The following WDFY4 variants were observed in gnomAD, a reference collection of about 807,000 sequenced individuals.
WDFY4 encodes the protein WDFY family member 4.
Under a neutral mutation model 351.9 loss-of-function variants are expected in WDFY4, and 169 were observed. The ratio of observed to expected loss-of-function variants is 0.48; its 90% CI spans 0.42 to 0.55. WDFY4 has a LOEUF of 0.55. Ranked by LOEUF, WDFY4 falls within the 20% of genes least tolerant of loss-of-function variation. WDFY4 has a pLI of 0.00. For missense variants in WDFY4, 3,803 were observed against 3,935.6 expected, an observed-to-expected ratio of 0.97 and a Z score of 0.90; for synonymous variants, 1,622 against 1,574.6, an observed-to-expected ratio of 1.03 and a Z score of -0.71.
Position 48,976,859 on chromosome 10 carries a change from G to A in WDFY4, c.9171G>A (p.Leu3057=), listed in dbSNP as rs1324792909. 7 of 1,536,630 alleles carry A rather than the reference G, an allele frequency of 4.6e-6. No individual in the cohort carries two copies. Among genetic ancestry groups the A allele is most frequent in the Non-Finnish European group, 6.1e-6 (7 of 1,138,828 alleles). The change falls in exon 59 of 62, where the codon CTG becomes CTA. Residue 3057 remains leucine (L), a synonymous_variant. Transcript: ENST00000325239. ...LSLWNVNGQP[L]ASITTAWGPE... is the part of the protein sequence containing the mutation. ...TGTGGAATGTCAATGGACAGCCCCT[G>A]GCCAGCATCACCACAGCCTGGGGCC... is the stretch of plus-strand genomic sequence containing the variant.
rs1219934486 is a variant in WDFY4 at position 48,811,545 on chromosome 10, T to A, written c.5051T>A (p.Leu1684Gln). The change falls in exon 30 of 62, where the codon CTG (leucine) becomes CAG (glutamine). Residue 1684 changes from leucine to glutamine, a missense_variant. This residue lies in a region of WDFY4 where 3,054 missense variants were observed against 3,148.6 expected (regional missense o/e 0.97). Coordinates refer to ENST00000325239, the MANE Select transcript of WDFY4 (RefSeq NM_001394531.1). ...TEGVDIVMDN[L>Q]KSQSPLPEQS... ...CCCTTTGCCTGATCAATAGACAACC[T>A]GAAGAGCCAGTCACCACTGCCTGAG... 6.4e-7 allele frequency: 1 copy of A among 1,552,214 alleles called. No homozygotes were observed. Among genetic ancestry groups the A allele is most frequent in the South Asian group, 1.2e-5 (1 of 84,066 alleles).
At chr10:48,751,970 C>T (rs1451077865) in intron 12 of WDFY4, among the ~76,000 whole-genome samples, 3 of 152,230 alleles carry the variant, frequency 2.0e-5, no homozygotes, top group African/African-American at 4.8e-5. Context: ...GCACGCCTCA[C>T]ACCACCACTG....
intron 52 of WDFY4, among the ~76,000 whole-genome samples, chr10:48,958,082 C>T (rs922318308): frequency 6.6e-5 from 10 of 152,202 alleles, no homozygotes; most frequent in African/African-American, 2.4e-4. Context: ...TGCCTCCGGA[C>T]AGCACATAAG....
intron 1 of WDFY4, among the ~76,000 whole-genome samples, chr10:48,689,820 C>T (rs1346881938): frequency 6.6e-6 from 1 of 152,168 alleles, no homozygotes; most frequent in Non-Finnish European, 1.5e-5. Flanking sequence ...CCTAAATAAA[C>T]CAGGGACTTG....
At chr10:48,870,500 A>G (rs1349732376) in intron 40 of WDFY4, among the ~76,000 whole-genome samples, 2 of 151,852 alleles carry the variant, frequency 1.3e-5, no homozygotes, top group African/African-American at 4.8e-5. Context: ...AGCTATGATC[A>G]TGCCACTGCT....
intron 33 of WDFY4, 67 bp from the exon 34 acceptor site, chr10:48,820,995 G>T: frequency 9.0e-7 from 1 of 1,111,724 alleles, no homozygotes; most frequent in Non-Finnish European, 1.3e-6. Flanking sequence ...AGGCTAGGGA[G>T]GCGGTGGGCA....
chr10:48,767,183 A>G (rs567171882), intron 13 of WDFY4, among the ~76,000 whole-genome samples: 1 of 152,308 alleles, frequency 6.6e-6, no homozygotes, highest in South Asian at 2.1e-4. Context: ...GATGAGATTG[A>G]TGGAACCCTT....
intron 9 of WDFY4, 105 bp from the exon 10 acceptor site, chr10:48,733,826 C>T: frequency 2.0e-6 from 2 of 982,154 alleles, no homozygotes; most frequent in Non-Finnish European, 3.1e-6. Context: ...ATGATGAAAG[C>T]ATTATATTCA....
At chr10:48,693,209 G>A (rs908758211) in intron 1 of WDFY4, among the ~76,000 whole-genome samples, 2 of 152,204 alleles carry the variant, frequency 1.3e-5, no homozygotes, top group East Asian at 1.9e-4. Context: ...TGCGGAGGAC[G>A]TTTGCTCAGG....
intron 2 of WDFY4, among the ~76,000 whole-genome samples, chr10:48,716,478 C>T (rs2063914455): frequency 6.6e-6 from 1 of 152,096 alleles, no homozygotes; most frequent in South Asian, 2.1e-4. Flanking sequence ...CATGTAAGTC[C>T]CAGTTTGGGA....
Position 48,810,562 on chromosome 10 carries a change from C to T in WDFY4, c.4871C>T (p.Pro1624Leu). The change falls in exon 29 of 62, where the codon CCT (proline) becomes CTT (leucine). Residue 1624 changes from proline (P) to leucine (L), a missense_variant. This residue lies in a region of WDFY4 where 3,054 missense variants were observed against 3,148.6 expected (regional missense o/e 0.97). Coordinates refer to ENST00000325239, the MANE Select transcript of WDFY4 (RefSeq NM_001394531.1). The stretch of plus-strand genomic sequence containing the variant: ...GAAGAGATGTTTCTGAAACTGGGGC[C>T]TGACTGGTTCCTGCTGCTCCTGCAG... The part of the protein sequence containing the change: ...SKEEMFLKLG[P>L]DWFLLLLQGH... The T allele has an allele frequency of 2.6e-6, 4 of 1,551,684 alleles. No individual in the cohort carries two copies. The highest frequency in any genetic ancestry group is 3.5e-6 in the Non-Finnish European group (4 of 1,146,986).
intron 39 of WDFY4, among the ~76,000 whole-genome samples, chr10:48,851,970 A>G (rs1437803932): frequency 6.6e-6 from 1 of 152,186 alleles, no homozygotes; most frequent in Admixed American, 6.5e-5. Flanking sequence ...CCTTTGTTCT[A>G]CTCCAAAGGT....
intron 1 of WDFY4, among the ~76,000 whole-genome samples, chr10:48,693,550 T>A (rs947272041): frequency 3.3e-5 from 5 of 152,250 alleles, no homozygotes; most frequent in African/African-American, 4.8e-5. Flanking sequence ...AGACTCATTC[T>A]GGTTAAACAA....
intron 25 of WDFY4, 22 bp from the exon 26 acceptor site, chr10:48,805,238 G>T (rs77075591): frequency 6.5e-7 from 1 of 1,534,638 alleles, no homozygotes; most frequent in South Asian, 1.2e-5. Flanking sequence ...AGCTTTTACT[G>T]TCTCTCTCCT....
intron 13 of WDFY4, among the ~76,000 whole-genome samples, chr10:48,762,291 C>T (rs879710210): frequency 2.6e-5 from 4 of 152,124 alleles, no homozygotes; most frequent in South Asian, 2.1e-4. Context: ...TAGTGTTTGG[C>T]GCAGGAGTTA....
At chr10:48,829,868 T>A (rs539831634) in intron 37 of WDFY4, among the ~76,000 whole-genome samples, 1 of 152,178 alleles carries the variant, frequency 6.6e-6, no homozygotes, top group Non-Finnish European at 1.5e-5. Flanking sequence ...TAAAAGATTG[T>A]ACACACAGGG....
chr10:48,854,581 AGAT>A (rs2069073185), intron 39 of WDFY4, among the ~76,000 whole-genome samples: 1 of 152,212 alleles, frequency 6.6e-6, no homozygotes, highest in Non-Finnish European at 1.5e-5. Flanking sequence ...CTCATTTTAT[AGAT>A]GATAAGTAAA....
At chr10:48,914,063 G>A in intron 47 of WDFY4, 7 of 1,614,142 alleles carry the variant, frequency 4.3e-6, no homozygotes, top group Non-Finnish European at 5.9e-6. Flanking sequence ...TCAAGTCAAG[G>A]CGCTTTTTCC....
intron 3 of WDFY4, among the ~76,000 whole-genome samples, chr10:48,720,441 G>T (rs1052306130): frequency 1.3e-5 from 2 of 151,426 alleles, no homozygotes; most frequent in Non-Finnish European, 2.9e-5. Flanking sequence ...ACTACACACA[G>T]ACATTATACA....
Sources: gnomAD v4.1 joint callset for allele counts (sites outside exome capture counted in the v4.1 genomes callset) on GRCh38, gnomAD v4.1.1 for gene constraint, gnomAD v4.1.1 regional missense constraint, MANE v1.5 for transcripts, NCBI Gene and HGNC (gene_info 2026-07-23, HGNC 2026-07-21) for gene names.